Variants in C11orf65 observed in about 807,000 individuals in gnomAD.
C11orf65 encodes the protein chromosome 11 open reading frame 65, also known as protein MFI.
C11orf65 carries 38 observed loss-of-function variants against 35.3 expected under a neutral mutation model. That is an observed-to-expected ratio of 1.08 (90% CI 0.83 to 1.41). C11orf65 has a LOEUF of 1.41. Ranked by LOEUF, C11orf65 falls within the 40% of genes most tolerant of loss-of-function variation. The pLI is 0.00. For missense variants in C11orf65, 370 were observed against 367.1 expected, an observed-to-expected ratio of 1.01 and a Z score of -0.06; for synonymous variants, 105 against 114.4, an observed-to-expected ratio of 0.92 and a Z score of 0.53.
chr11:108,315,219 A>G (rs1163478450), intron 6 of C11orf65, among the ~76,000 whole-genome samples: 1 of 152,240 alleles, frequency 6.6e-6, no homozygotes, highest in Non-Finnish European at 1.5e-5. Flanking sequence ...AATAATGCTT[A>G]CCACAGTAGC....
chr11:108,386,850 G>T (rs1371076410), intron 7 of C11orf65, among the ~76,000 whole-genome samples: 1 of 152,066 alleles, frequency 6.6e-6, no homozygotes, highest in Non-Finnish European at 1.5e-5. Flanking sequence ...GGAAGGCCGA[G>T]GTGGGCGGAT....
intron 7 of C11orf65, among the ~76,000 whole-genome samples, chr11:108,386,480 C>T (rs540562719): frequency 3.9e-5 from 6 of 152,226 alleles, no homozygotes; most frequent in South Asian, 2.1e-4. Flanking sequence ...GTCCAGAACA[C>T]GTTAAGAGAT....
At chr11:108,331,372 A>G (rs2086212516), downstream of C11orf65, 1 of 1,552,662 alleles carries the variant, frequency 6.4e-7, no homozygotes, top group Admixed American at 1.9e-5. Flanking sequence ...TCTTAAAATA[A>G]CTTACTTGCT....
chr11:108,341,308 C>T (rs968595715), intron 2 of C11orf65, among the ~76,000 whole-genome samples: 2 of 152,070 alleles, frequency 1.3e-5, no homozygotes, highest in African/African-American at 4.8e-5. Flanking sequence ...GCAGTGTTAC[C>T]CTCAGAAAGG....
At chr11:108,330,362 C>T (rs587779865), downstream of C11orf65, 7 of 1,614,096 alleles carry the variant, frequency 4.3e-6, no homozygotes, top group Admixed American at 3.3e-5. Context: ...GTGGGTATTC[C>T]GACTTTGTTC....
intron 3 of C11orf65, among the ~76,000 whole-genome samples, chr11:108,417,788 G>A (rs1178740642): frequency 6.6e-6 from 1 of 152,008 alleles, no homozygotes; most frequent in Non-Finnish European, 1.5e-5. Context: ...GCTAGGGGAG[G>A]GACAGCATTA....
Position 108,382,948 on chromosome 11 carries a change from T to C in C11orf65, c.*73A>G, listed in dbSNP as rs2091895566. ...TATACACAAGTTATTCCAGTCAGAA[T>C]ACACTATCTCTTGGCTATAACTGAT... is the stretch of plus-strand genomic sequence containing the variant. On this transcript the variant is annotated 3_prime_UTR_variant, in exon 9 of 9. Transcript: ENST00000393084. The C allele has an allele frequency of 6.9e-6, 11 of 1,585,332 alleles. No individual in the cohort carries two copies. The highest frequency in any genetic ancestry group is 1.4e-5 in the African/African-American group (1 of 73,394).
At chr11:108,406,535 T>C (rs2092544154) in intron 5 of C11orf65, among the ~76,000 whole-genome samples, 1 of 152,170 alleles carries the variant, frequency 6.6e-6, no homozygotes, top group Non-Finnish European at 1.5e-5. Context: ...AAAGATGGTC[T>C]AGATTCAAAG....
chr11:108,337,830 A>C (rs908648400), intron 2 of C11orf65, among the ~76,000 whole-genome samples: 2 of 152,262 alleles, frequency 1.3e-5, no homozygotes, highest in African/African-American at 4.8e-5. Context: ...ATTGGGTTAC[A>C]AAAGTATGGG....
At chr11:108,398,247 T>C (rs1445279900) in intron 6 of C11orf65, among the ~76,000 whole-genome samples, 1 of 152,090 alleles carries the variant, frequency 6.6e-6, no homozygotes, top group Admixed American at 6.6e-5. Flanking sequence ...TGATGAGACA[T>C]CACAGTGGAG....
chr11:108,378,953 C>T (rs190684279), downstream of C11orf65, among the ~76,000 whole-genome samples: 10 of 152,170 alleles, frequency 6.6e-5, no homozygotes, highest in East Asian at 1.2e-3. Flanking sequence ...GTTAGAGTGG[C>T]GATCATTAAA....
chr11:108,464,840 T>C (rs1262796045), intron 1 of C11orf65, among the ~76,000 whole-genome samples: 2 of 152,106 alleles, frequency 1.3e-5, no homozygotes, highest in African/African-American at 4.8e-5. Flanking sequence ...TTAGTTCAGA[T>C]ATATACAATA....
intron 3 of C11orf65, among the ~76,000 whole-genome samples, chr11:108,414,059 T>C (rs921533121): frequency 4.0e-5 from 6 of 151,490 alleles, no homozygotes; most frequent in Non-Finnish European, 7.4e-5. Context: ...AAATAAATAA[T>C]AAAGATTAGA....
intron 2 of C11orf65, among the ~76,000 whole-genome samples, chr11:108,377,245 A>T (rs926174247): frequency 9.9e-5 from 15 of 152,134 alleles, no homozygotes; most frequent in Non-Finnish European, 2.1e-4. Flanking sequence ...AATACTGGCA[A>T]ACTGAATCCA....
intron 3 of C11orf65, chr11:108,332,080 C>A (rs2136533413): frequency 6.2e-7 from 1 of 1,603,760 alleles, no homozygotes; most frequent in South Asian, 1.1e-5. Context: ...GTGTGATATT[C>A]AGTCTTTCCT....
chr11:108,312,997 C>G (rs985393468), intron 6 of C11orf65, among the ~76,000 whole-genome samples: 2 of 152,192 alleles, frequency 1.3e-5, no homozygotes, highest in Admixed American at 1.3e-4. Flanking sequence ...TTAAACCTCT[C>G]ATCTTCTCTT....
chr11:108,352,015 C>A (rs1399976914), intron 2 of C11orf65, among the ~76,000 whole-genome samples: 1 of 152,106 alleles, frequency 6.6e-6, no homozygotes, highest in Non-Finnish European at 1.5e-5. Context: ...TCTGCCCTTA[C>A]CTAGCAGTAA....
At chr11:108,328,967 T>C (rs1300514892), downstream of C11orf65, 1 of 1,500,502 alleles carries the variant, frequency 6.7e-7, no homozygotes, top group African/African-American at 1.4e-5. Flanking sequence ...AGTGATTCTT[T>C]AGATGTATTT....
chr11:108,321,365 C>T lies in C11orf65; in HGVS notation c.641-12294G>A, dbSNP rs1565511354. The T allele has an allele frequency of 6.2e-7, 1 of 1,614,074 alleles. No individual in the cohort carries two copies. Among genetic ancestry groups the T allele is most frequent in the Non-Finnish European group, 8.5e-7 (1 of 1,180,030 alleles). On this transcript the variant is annotated intron_variant, in intron 6 of 6. Transcript: ENST00000525729. ...GTCTGTGTATTCGCTCTATCCCACA[C>T]TTAGCAGGTTGCAGGCCATTGGAGA...
Sources: allele counts gnomAD v4.1 joint callset (sites outside exome capture counted in the v4.1 genomes callset), GRCh38; gene constraint gnomAD v4.1.1; transcripts MANE v1.5; gene names NCBI Gene and HGNC (gene_info 2026-07-23, HGNC 2026-07-21).